The following KNL1 variants were observed in gnomAD, a reference collection of about 807,000 sequenced individuals.
The protein encoded by KNL1 is outer kinetochore KNL1 complex subunit KNL1.
KNL1 carries 66 observed loss-of-function variants against 201.3 expected under a neutral mutation model. The ratio of observed to expected loss-of-function variants is 0.33; its 90% confidence interval spans 0.27 to 0.40. KNL1 has a LOEUF of 0.40. KNL1 is among the 10% of genes least tolerant of loss of function. The pLI is 1.00. For synonymous variants in KNL1, 895 were observed against 899.2 expected, an observed-to-expected ratio of 1.00 and a Z score of 0.08; for missense variants, 2,815 against 2,690.5, an observed-to-expected ratio of 1.05 and a Z score of -1.02.
chr15:40,650,515 C>CT (rs1180923761), intron 18 of KNL1, 29 bp from the exon 19 acceptor site: 1 of 1,443,634 alleles, frequency 6.9e-7, no homozygotes, highest in Admixed American at 2.5e-5. Context: ...TATGTTTGTT[C>CT]TGTTTTTTTT....
chr15:40,628,540 G>T, intron 11 of KNL1, 71 bp from the exon 12 acceptor site: 1 of 1,077,020 alleles, frequency 9.3e-7, no homozygotes, highest in Non-Finnish European at 1.4e-6. Context: ...GAAACAATCT[G>T]AATGATAACC....
At position 40,664,053 on chromosome 15, in the gene KNL1, A is replaced by C. The variant is rs74011938; in HGVS notation, c.*1865A>C. On this transcript the variant is annotated 3_prime_UTR_variant, in exon 26 of 26. Transcript: ENST00000399668. ...ATATGATCTGTTTCCCATGAAACTT[A>C]AGTTAGCTTTCTTATTGGAGTTATT... The C allele has an allele frequency of 3.2e-3, 587 of 184,792 alleles. 3 individuals are homozygous for C. The highest frequency in any genetic ancestry group is 0.013 in the African/African-American group (562 of 42,748). The allele number at this position is 184,792 out of a possible 1,614,324, so 11.4% of individuals were successfully genotyped here.
Position 40,605,142 on chromosome 15 carries a change from A to G in KNL1, c.68A>G (p.His23Arg), listed in dbSNP as rs1191390991. ...ATAGAGAGACCTGTTAGAAGACGGC[A>G]TTCTTCAGTAAGAAAGACTTTCTTG... ...DNIERPVRRR[H>R]SSILKPPRSP... The change falls in exon 3 of 26, where the codon CAT (histidine) becomes CGT (arginine). Residue 23 changes from histidine to arginine, a missense_variant. Transcript: ENST00000399668. 4.1e-6 allele frequency: 6 copies of G among 1,464,416 alleles called. No homozygotes were observed. The highest frequency in any genetic ancestry group is 4.8e-6 in the Non-Finnish European group (5 of 1,044,238). The allele number at this position is 1,464,416 out of a possible 1,614,324, so 90.7% of individuals were successfully genotyped here. A position where few individuals can be genotyped will look rare whatever the true frequency, so the allele number is the denominator to read the frequency against.
rs1034709712 is a variant in KNL1, at chr15:40,624,286, A to G, written c.4022A>G (p.Tyr1341Cys). Residue 1341 changes from tyrosine to cysteine, a missense_variant, in exon 10 of 26, where the codon TAT becomes TGT. By Grantham distance (194) the Tyr-to-Cys change is radical. Coordinates refer to ENST00000399668, the MANE Select transcript of KNL1 (RefSeq NM_144508.5). Reference protein sequence around the residue: ...NYCPVQNDLAYANDFASEYYL... With the variant: ...NYCPVQNDLACANDFASEYYL... ...TGCCCAGTGCAAAATGATCTTGCTTATGCAAATGATTTTGCCAGTGAATAT... is the reference window on the plus strand; with the variant it reads ...TGCCCAGTGCAAAATGATCTTGCTTGTGCAAATGATTTTGCCAGTGAATAT... The G allele has an allele frequency of 6.2e-7, 1 of 1,614,098 alleles. No individual in the cohort carries two copies. The highest frequency in any genetic ancestry group is 8.5e-7 in the Non-Finnish European group (1 of 1,179,976).
intron 7 of KNL1, among the ~76,000 whole-genome samples, chr15:40,611,714 C>T (rs1892168491): frequency 6.6e-6 from 1 of 151,378 alleles, no homozygotes; most frequent in South Asian, 2.1e-4. Context: ...ATATATAAAC[C>T]TTTATATTTA....
intron 22 of KNL1, 123 bp downstream of exon 22, chr15:40,655,100 C>T: frequency 1.5e-6 from 1 of 668,610 alleles, no homozygotes; most frequent in Non-Finnish European, 2.6e-6. Context: ...GAGTTTGAGA[C>T]CAGCCTGACT....
chr15:40,621,126 A>T lies in KNL1; in HGVS notation c.862A>T (p.Thr288Ser). 6.2e-7 allele frequency: 1 copy of T among 1,613,922 alleles called. No homozygotes were observed. Among genetic ancestry groups the T allele is most frequent in the Non-Finnish European group, 8.5e-7 (1 of 1,179,918 alleles). ...DDGMNFTQCHTANIQTLIPTS... is the reference protein window; with the variant it reads ...DDGMNFTQCHSANIQTLIPTS... ...TGGGATGAATTTCACCCAGTGTCAT[A>T]CAGCCAATATTCAGACATTGATTCC... The change falls in exon 10 of 26, where the codon ACA becomes TCA. Residue 288 changes from threonine to serine, a missense_variant. Around this residue, in one of 3 missense-constraint regions of KNL1, gnomAD observed 2,464 missense variants for 2,291.7 expected, o/e 1.08. Transcript: ENST00000399668.
chr15:40,608,961 A>G, intron 5 of KNL1, 53 bp downstream of exon 5: 1 of 1,187,520 alleles, frequency 8.4e-7, no homozygotes, highest in East Asian at 2.4e-5. Flanking sequence ...TATTTTGTGT[A>G]TCAAACCAAA....
Position 40,628,680 on chromosome 15 carries a change from T to C in KNL1, c.5583+2T>C. 6.4e-7 allele frequency: 1 copy of C among 1,554,628 alleles called. No homozygotes were observed. The highest frequency in any genetic ancestry group is 8.8e-7 in the Non-Finnish European group (1 of 1,139,870). On this transcript the variant is annotated splice_donor_variant, in intron 12 of 25. Coordinates refer to ENST00000399668, the MANE Select transcript of KNL1 (RefSeq NM_144508.5). LOFTEE classifies it high-confidence loss of function. ...ATTTGTGAAGAGAGCTTGAGGGAGG[T>C]ATGTTAAAATTCTTTTTCTTTTTTT...
chr15:40,594,664 G>A (rs1318039244), intron 1 of KNL1, among the ~76,000 whole-genome samples: 1 of 152,210 alleles, frequency 6.6e-6, no homozygotes, highest in Non-Finnish European at 1.5e-5. Flanking sequence ...TTGCTTGTCC[G>A]TCGCTCTCTT....
At chr15:40,627,722 A>AT (rs1892795595) in intron 10 of KNL1, among the ~76,000 whole-genome samples, 1 of 152,188 alleles carries the variant, frequency 6.6e-6, no homozygotes, top group African/African-American at 2.4e-5. Context: ...CATACAGCCA[A>AT]TATTCTAGTC....
At chr15:40,656,217 G>A (rs1381104411) in intron 22 of KNL1, among the ~76,000 whole-genome samples, 1 of 151,140 alleles carries the variant, frequency 6.6e-6, no homozygotes, top group African/African-American at 2.4e-5. Context: ...GATCACTGGA[G>A]GTCAGGAGTT....
rs747464774 is a variant in KNL1 at position 40,657,124 on chromosome 15, A to T, written c.6567A>T (p.Thr2189=). The T allele has an allele frequency of 5.0e-6, 8 of 1,608,082 alleles. No homozygotes were observed. In the East Asian group the frequency reaches 1.8e-4, roughly 36 times the overall value. ...YVEEKESWKK[T]CTTQHQLPKM... is the part of the protein sequence containing the mutation. ...AAGAAAAGGAATCCTGGAAGAAGACATGTACAACCCAGCATCAGTTACCCA... is the reference window on the plus strand; with the variant it reads ...AAGAAAAGGAATCCTGGAAGAAGACTTGTACAACCCAGCATCAGTTACCCA... Residue 2189 remains threonine, a synonymous_variant, in exon 23 of 26, where the codon ACA becomes ACT. Transcript: ENST00000399668.
chr15:40,637,194 T>G (rs1348875388), intron 13 of KNL1, among the ~76,000 whole-genome samples: 3 of 151,334 alleles, frequency 2.0e-5, no homozygotes, highest in Non-Finnish European at 4.4e-5. Flanking sequence ...TTTTTGGTAT[T>G]TAAAAAATTT....
chr15:40,600,352 G>C (rs1288329988), intron 1 of KNL1, among the ~76,000 whole-genome samples: 1 of 152,226 alleles, frequency 6.6e-6, no homozygotes, highest in African/African-American at 2.4e-5. Context: ...TGGGATTACA[G>C]GCATGGGCCA....
At chr15:40,601,785 G>C (rs1219743474) in intron 1 of KNL1, among the ~76,000 whole-genome samples, 1 of 134,326 alleles carries the variant, frequency 7.4e-6, no homozygotes, top group Non-Finnish European at 1.6e-5. Context: ...CCGAGATGGC[G>C]CCGCTGCTCT....
At chr15:40,617,194 C>T (rs545776990) in intron 8 of KNL1, among the ~76,000 whole-genome samples, 2 of 152,320 alleles carry the variant, frequency 1.3e-5, no homozygotes, top group South Asian at 4.1e-4. Context: ...GATGATCCAC[C>T]GCCTTGGCCT....
chr15:40,653,152 C>T (rs965389418), intron 21 of KNL1, among the ~76,000 whole-genome samples: 1 of 152,052 alleles, frequency 6.6e-6, no homozygotes, highest in Non-Finnish European at 1.5e-5. Flanking sequence ...ATATTCAAAT[C>T]ATCAGTAAGA....
intron 22 of KNL1, among the ~76,000 whole-genome samples, chr15:40,656,376 T>C (rs1893732957): frequency 6.6e-6 from 1 of 151,790 alleles, no homozygotes; most frequent in Non-Finnish European, 1.5e-5. Flanking sequence ...GAGGTTGCAG[T>C]GAGCTGAGAT....
Sources: gnomAD v4.1 joint callset for allele counts (sites outside exome capture counted in the v4.1 genomes callset) on GRCh38, gnomAD v4.1.1 for gene constraint, gnomAD v4.1.1 regional missense constraint, MANE v1.5 for transcripts, NCBI Gene and HGNC (gene_info 2026-07-23, HGNC 2026-07-21) for gene names.